DISC1: variants seen among roughly 807,000 people sequenced by gnomAD.
DISC1 encodes DISC1 scaffold protein.
Under a neutral mutation model 84.5 loss-of-function variants are expected in DISC1, and 57 were observed. The observed-to-expected ratio is 0.67, with a 90% CI of 0.55 to 0.84. The LOEUF is 0.84. DISC1 is among the 40% of genes least tolerant of loss of function. The probability of loss-of-function intolerance (pLI) is 0.00; values close to 1 mark genes in which losing one functional copy is unlikely to be tolerated. For synonymous variants in DISC1, 411 were observed against 415.2 expected (o/e 0.99, Z 0.12); for missense variants, 1,000 against 1,057.8 (o/e 0.95, Z 0.76).
intron 10 of DISC1, among the ~76,000 whole-genome samples, chr1:231,982,504 T>C (rs1205980152): frequency 6.6e-6 from 1 of 152,224 alleles, no homozygotes; most frequent in African/African-American, 2.4e-5. Flanking sequence ...AAACACCATC[T>C]TCGCTCTCTT....
At position 231,684,381 on chromosome 1, in the gene DISC1, A is replaced by G; in HGVS notation, c.68-9445A>G. ...AATTATGTGTTTAATATATAATTAC[A>G]CATAGGTTTTACATGTGCTGTTTGA... On this transcript the variant is annotated intron_variant, in intron 1 of 12. Transcript: ENST00000439617. Among the ~76,000 whole-genome samples the G allele has an allele frequency of 1.3e-5, 2 of 152,302 alleles. 1 individual carries two copies. Among genetic ancestry groups the G allele is most frequent in the South Asian group, 4.1e-4 (2 of 4,830 alleles).
chr1:231,873,848 A>ATTTTT (rs57512366), intron 9 of DISC1, among the ~76,000 whole-genome samples: 1 of 150,324 alleles, frequency 6.7e-6, no homozygotes, highest in Non-Finnish European at 1.5e-5. Context: ...ATCTTAAATA[A>ATTTTT]TTTTTTTTTT....
intron 10 of DISC1, among the ~76,000 whole-genome samples, chr1:231,961,092 T>C (rs1295969746): frequency 6.6e-6 from 1 of 152,248 alleles, no homozygotes; most frequent in Non-Finnish European, 1.5e-5. Context: ...CATATTCAGC[T>C]ATCTGGAAGC....
intron 1 of DISC1, among the ~76,000 whole-genome samples, chr1:231,690,886 A>AG (rs1007078680): frequency 3.1e-4 from 47 of 152,144 alleles, no homozygotes; most frequent in African/African-American, 9.7e-4. Flanking sequence ...GCCAGTGGCC[A>AG]GGGGATGGTT....
At chr1:231,963,455 T>C (rs1488583695) in intron 10 of DISC1, among the ~76,000 whole-genome samples, 2 of 152,150 alleles carry the variant, frequency 1.3e-5, no homozygotes, top group African/African-American at 4.8e-5. Context: ...GCTGGTCTCC[T>C]TGCCCTTGAC....
intron 6 of DISC1, among the ~76,000 whole-genome samples, chr1:231,777,707 C>T (rs1404458740): frequency 6.6e-6 from 1 of 152,210 alleles, no homozygotes; most frequent in Non-Finnish European, 1.5e-5. Context: ...GGTGTGCCCT[C>T]TCCACTCAAA....
At chr1:231,745,230 G>GT (rs937741858) in intron 3 of DISC1, among the ~76,000 whole-genome samples, 12 of 150,116 alleles carry the variant, frequency 8.0e-5, no homozygotes, top group African/African-American at 2.7e-4. Context: ...TTATTTTCTT[G>GT]TTTTTTTTTG....
chr1:231,912,202 AGCTTTGTTCCATT>A (rs2089265764), intron 9 of DISC1, among the ~76,000 whole-genome samples: 1 of 152,204 alleles, frequency 6.6e-6, no homozygotes, highest in Non-Finnish European at 1.5e-5. Flanking sequence ...TTCTCCGTCC[AGCTTTGTTCCATT>A]GCTGGCAAGG....
intron 9 of DISC1, among the ~76,000 whole-genome samples, chr1:231,866,342 T>C (rs917621543): frequency 1.3e-5 from 2 of 152,182 alleles, no homozygotes; most frequent in Non-Finnish European, 2.9e-5. Context: ...CAGAGATTTC[T>C]CATCTACAAA....
chr1:231,651,797 A>C (rs2060647759), intron 1 of DISC1, among the ~76,000 whole-genome samples: 1 of 152,246 alleles, frequency 6.6e-6, no homozygotes, highest in Non-Finnish European at 1.5e-5. Context: ...CAGCAATGGC[A>C]GATGCCCCTC....
chr1:231,651,483 G>A (rs767590701), intron 1 of DISC1, among the ~76,000 whole-genome samples: 41 of 152,206 alleles, frequency 2.7e-4, no homozygotes, highest in Non-Finnish European at 1.8e-4. Context: ...GTGCCCGCCT[G>A]TATGAGGTGT....
intron 1 of DISC1, among the ~76,000 whole-genome samples, chr1:231,641,736 C>G (rs1383862874): frequency 6.6e-6 from 1 of 152,206 alleles, no homozygotes; most frequent in Non-Finnish European, 1.5e-5. Flanking sequence ...TTCGCCACCT[C>G]CCCACCAGAT....
Position 231,761,168 on chromosome 1 carries a change from C to T in DISC1, c.1269-5972C>T, listed in dbSNP as rs114213050. Among the ~76,000 whole-genome samples, 828 of 152,200 alleles carry T rather than the reference C, an allele frequency of 5.4e-3. 16 individuals carry two copies. Among genetic ancestry groups the T allele is most frequent in the African/African-American group, 0.019 (784 of 41,516 alleles). On this transcript the variant is annotated intron_variant, in intron 4 of 12. Transcript: ENST00000439617. ...GAGACCTGTATGACACTGTGGGTTC[C>T]GGGTGTGATCTTGGACACCTGAATC...
chr1:231,706,120 G>T (rs1165739829), intron 3 of DISC1, among the ~76,000 whole-genome samples: 1 of 152,218 alleles, frequency 6.6e-6, no homozygotes, highest in Non-Finnish European at 1.5e-5. Flanking sequence ...CACTAGGGAA[G>T]TAAAGTTAAT....
intron 1 of DISC1, among the ~76,000 whole-genome samples, chr1:231,662,401 C>T (rs935747013): frequency 1.3e-5 from 2 of 152,162 alleles, no homozygotes; most frequent in African/African-American, 4.8e-5. Flanking sequence ...CTGGGAGCTG[C>T]ATCCGAGGGA....
chr1:231,743,667 C>T (rs1281539917), intron 3 of DISC1, among the ~76,000 whole-genome samples: 6 of 152,196 alleles, frequency 3.9e-5, no homozygotes, highest in South Asian at 4.1e-4. Flanking sequence ...GACTCTACTG[C>T]GTATTTTAAG....
intron 9 of DISC1, among the ~76,000 whole-genome samples, chr1:231,920,698 T>G (rs2089942120): frequency 6.6e-6 from 1 of 152,208 alleles, no homozygotes; most frequent in South Asian, 2.1e-4. Context: ...TTCCCGCATT[T>G]GGCTATTGTG....
chr1:231,846,837 T>A, intron 9 of DISC1, among the ~76,000 whole-genome samples: 1 of 152,144 alleles, frequency 6.6e-6, no homozygotes, highest in East Asian at 1.9e-4. Context: ...TCAGGAACTG[T>A]TGAAAAAAGA....
At chr1:231,795,794 T>C (rs1157505209) in intron 7 of DISC1, among the ~76,000 whole-genome samples, 1 of 151,792 alleles carries the variant, frequency 6.6e-6, no homozygotes, top group Non-Finnish European at 1.5e-5. Context: ...GAGGCTGAGG[T>C]AGGAGAATTG....
Sources: gnomAD v4.1 joint callset for allele counts (sites outside exome capture counted in the v4.1 genomes callset) on GRCh38, gnomAD v4.1.1 for gene constraint, MANE v1.5 for transcripts, NCBI Gene and HGNC (gene_info 2026-07-23, HGNC 2026-07-21) for gene names.